Variants in DLGAP2 observed in about 807,000 individuals in gnomAD.
DLGAP2 encodes the protein DLG associated protein 2.
DLGAP2 carries 26 observed loss-of-function variants against 100.3 expected under a neutral mutation model. That is an observed-to-expected ratio of 0.26 (90% CI 0.19 to 0.36). DLGAP2 has a LOEUF of 0.36. DLGAP2 is among the 10% of genes least tolerant of loss of function. The probability of loss-of-function intolerance (pLI) is 1.00; values close to 1 mark genes in which losing one functional copy is unlikely to be tolerated. For synonymous variants in DLGAP2, 886 were observed against 630.1 expected (o/e 1.41, Z -6.08); for missense variants, 1,858 against 1,453.2 (o/e 1.28, Z -4.53).
intron 3 of DLGAP2, among the ~76,000 whole-genome samples, chr8:1,476,391 G>A (rs973038804): frequency 4.0e-5 from 6 of 151,512 alleles, no homozygotes; most frequent in Admixed American, 6.6e-5. Flanking sequence ...TTCCCATCGC[G>A]CCTGTGACTT....
In DLGAP2 at chr8:1,256,997, C is replaced by CCGATGGCTTCTACTTCAGGTCCTGCCCT. The variant is rs1466480772; in HGVS notation, c.74-1853_74-1826dup. Reference sequence around the variant, plus strand: ...GGCCCTGGGCCCAGGGCTCCTGCGTCCGATGGCTTCTACTTCAGGTCCTGC... The same window carrying CCGATGGCTTCTACTTCAGGTCCTGCCCT: ...GGCCCTGGGCCCAGGGCTCCTGCGTCCGATGGCTTCTACTTCAGGTCCTGCCCTCGATGGCTTCTACTTCAGGTCCTGC... On this transcript the variant is annotated intron_variant, in intron 2 of 14. Coordinates refer to ENST00000637795, the MANE Select transcript of DLGAP2 (RefSeq NM_001346810.2). 1.1e-4 allele frequency among the ~76,000 whole-genome samples: 16 copies of CCGATGGCTTCTACTTCAGGTCCTGCCCT among 152,226 alleles called. No individual in the cohort carries two copies. The East Asian group carries it at 2.7e-3, about 26-fold the overall frequency.
intron 2 of DLGAP2, among the ~76,000 whole-genome samples, chr8:1,021,839 C>T (rs181016744): frequency 6.6e-5 from 10 of 152,208 alleles, no homozygotes; most frequent in African/African-American, 1.2e-4. Context: ...CAGGCACCGT[C>T]GGGTTCTGCC....
intron 1 of DLGAP2, among the ~76,000 whole-genome samples, chr8:751,881 T>C (rs1328160752): frequency 6.6e-6 from 1 of 152,134 alleles, no homozygotes; most frequent in Non-Finnish European, 1.5e-5. Context: ...TAAGTCCTTA[T>C]AGGAAGTTCA....
At chr8:963,497 A>G (rs911761953) in intron 2 of DLGAP2, among the ~76,000 whole-genome samples, 2 of 152,196 alleles carry the variant, frequency 1.3e-5, no homozygotes, top group African/African-American at 4.8e-5. Flanking sequence ...TATAACTTTT[A>G]TGTATGTAAA....
At chr8:1,126,950 A>T (rs1796179021) in intron 2 of DLGAP2, among the ~76,000 whole-genome samples, 1 of 150,174 alleles carries the variant, frequency 6.7e-6, no homozygotes, top group African/African-American at 2.5e-5. Context: ...GGGACCCCCA[A>T]CCTTGTCCCC....
chr8:1,503,435 G>T (rs954224818), intron 4 of DLGAP2, among the ~76,000 whole-genome samples: 1 of 152,090 alleles, frequency 6.6e-6, no homozygotes, highest in Non-Finnish European at 1.5e-5. Flanking sequence ...GTTACTGCAT[G>T]TATCAATGTG....
chr8:829,466 A>G (rs1796741956), intron 1 of DLGAP2, among the ~76,000 whole-genome samples: 2 of 152,220 alleles, frequency 1.3e-5, no homozygotes, highest in South Asian at 4.1e-4. Flanking sequence ...ATTTATAAGT[A>G]AAGAATTCTA....
intron 3 of DLGAP2, among the ~76,000 whole-genome samples, chr8:1,356,335 C>T (rs1418409955): frequency 6.6e-6 from 1 of 152,230 alleles, no homozygotes; most frequent in Admixed American, 6.5e-5. Flanking sequence ...CGTTTACAGG[C>T]AGTAAAACAA....
At chr8:1,291,646 C>G (rs1800062614) in intron 3 of DLGAP2, among the ~76,000 whole-genome samples, 1 of 152,168 alleles carries the variant, frequency 6.6e-6, no homozygotes, top group African/African-American at 2.4e-5. Context: ...GCTAAGGGAT[C>G]TCCAAATATC....
chr8:975,782 A>G (rs75669799), intron 2 of DLGAP2, among the ~76,000 whole-genome samples: 1 of 152,204 alleles, frequency 6.6e-6, no homozygotes, highest in African/African-American at 2.4e-5. Context: ...CTCATACTTC[A>G]TGGTGAGAAA....
chr8:1,508,266 G>A (rs1800003526), intron 4 of DLGAP2, among the ~76,000 whole-genome samples: 2 of 124,954 alleles, frequency 1.6e-5, no homozygotes, highest in Non-Finnish European at 3.4e-5. Context: ...CTCCCGGGCT[G>A]CCCCCTGCCA....
At chr8:1,045,247 G>A (rs1585009592) in intron 2 of DLGAP2, among the ~76,000 whole-genome samples, 1 of 152,170 alleles carries the variant, frequency 6.6e-6, no homozygotes, top group South Asian at 2.1e-4. Flanking sequence ...AGCGGACAGC[G>A]GTAGTATCCA....
chr8:915,185 C>G (rs1394168572), intron 2 of DLGAP2, among the ~76,000 whole-genome samples: 2 of 152,194 alleles, frequency 1.3e-5, no homozygotes, highest in Admixed American at 1.3e-4. Context: ...GCAACTCAGC[C>G]TGCATCTGTG....
Position 1,297,938 on chromosome 8 carries a change from C to T in DLGAP2, c.106+39055C>T, listed in dbSNP as rs1460199789. Among the ~76,000 whole-genome samples the T allele has an allele frequency of 1.2e-3, 58 of 47,626 alleles. 1 individual carries two copies. In the East Asian group the frequency reaches 0.04, roughly 33 times the overall value. 31.2% of individuals were successfully genotyped at this position (47,626 alleles called of 152,430 possible). On this transcript the variant is annotated intron_variant, in intron 3 of 14. Transcript: ENST00000637795. Reference sequence around the variant, plus strand: ...CACCACGTGAGACAGGGAGGAGAAACGTGGCAGGCGTGAACAGACACCACG... The same window carrying T: ...CACCACGTGAGACAGGGAGGAGAAATGTGGCAGGCGTGAACAGACACCACG...
intron 1 of DLGAP2, among the ~76,000 whole-genome samples, chr8:875,230 A>T (rs937469224): frequency 2.0e-5 from 3 of 152,090 alleles, no homozygotes; most frequent in African/African-American, 7.2e-5. Flanking sequence ...ATATTATTTA[A>T]TCCATTCACA....
intron 2 of DLGAP2, among the ~76,000 whole-genome samples, chr8:997,920 G>A (rs1800829333): frequency 6.8e-6 from 1 of 147,348 alleles, no homozygotes; most frequent in Non-Finnish European, 1.5e-5. Flanking sequence ...ATACAAACAT[G>A]CACACACACC....
intron 2 of DLGAP2, among the ~76,000 whole-genome samples, chr8:961,414 C>G (rs1299150601): frequency 6.6e-6 from 1 of 152,180 alleles, no homozygotes; most frequent in African/African-American, 2.4e-5. Context: ...ATGCTTCTTT[C>G]TAGAAGTCCC....
chr8:1,553,486 C>T (rs1480121858), intron 5 of DLGAP2, among the ~76,000 whole-genome samples: 1 of 152,204 alleles, frequency 6.6e-6, no homozygotes, highest in African/African-American at 2.4e-5. Context: ...TTGTGCTTGG[C>T]GTGTTCACGG....
At chr8:1,490,332 C>G (rs367791761) in intron 3 of DLGAP2, among the ~76,000 whole-genome samples, 25 of 152,188 alleles carry the variant, frequency 1.6e-4, no homozygotes, top group African/African-American at 5.8e-4. Context: ...GTTGAAAAGG[C>G]GCCTGTGGAG....
Sources: allele counts gnomAD v4.1 joint callset (sites outside exome capture counted in the v4.1 genomes callset), GRCh38; gene constraint gnomAD v4.1.1; transcripts MANE v1.5; gene names NCBI Gene and HGNC (gene_info 2026-07-23, HGNC 2026-07-21).